FLNB: variants seen among roughly 807,000 people sequenced by gnomAD.
FLNB encodes filamin-B.
FLNB carries 111 observed loss-of-function variants against 250.6 expected under a neutral mutation model. The ratio of observed to expected loss-of-function variants is 0.44; its 90% CI spans 0.38 to 0.52. The LOEUF (loss-of-function observed/expected upper bound fraction) is 0.52. Ranked by LOEUF, FLNB falls within the 20% of genes least tolerant of loss-of-function variation. The probability of loss-of-function intolerance (pLI) is 0.00; values close to 1 mark genes in which losing one functional copy is unlikely to be tolerated. For missense variants in FLNB, 2,869 were observed against 3,447.8 expected, an observed-to-expected ratio of 0.83 and a Z score of 4.20; for synonymous variants, 1,302 against 1,372.1, an observed-to-expected ratio of 0.95 and a Z score of 1.13.
Position 58,077,212 on chromosome 3 carries a change from C to A in FLNB, c.459C>A (p.Ile153=), listed in dbSNP as rs1389785199. The A allele has an allele frequency of 6.2e-7, 1 of 1,614,150 alleles. No homozygotes were observed. The highest frequency in any genetic ancestry group is 8.5e-7 in the Non-Finnish European group (1 of 1,180,016). Residue 153 remains isoleucine, a synonymous_variant, in exon 2 of 46, where the codon ATC becomes ATA. Coordinates refer to ENST00000295956, the MANE Select transcript of FLNB (RefSeq NM_001457.4). ...TGCTGGGGTGGATTCAGAACAAGAT[C>A]CCCTACTTGCCCATCACCAACTTTA... The part of the protein sequence containing the change: ...QRLLGWIQNK[I]PYLPITNFNQ...
In FLNB at chr3:58,124,466, G is replaced by A; in HGVS notation, c.3859G>A (p.Asp1287Asn). The A allele has an allele frequency of 6.2e-7, 1 of 1,614,206 alleles. No individual in the cohort carries two copies. The highest frequency in any genetic ancestry group is 1.6e-4 in the Middle Eastern group (1 of 6,062). Residue 1287 changes from aspartate (D) to asparagine (N), a missense_variant, in exon 22 of 46, where the codon GAT becomes AAT. Asp to Asn is a conservative substitution (Grantham distance 23). Transcript: ENST00000295956. ...STECFVTDNA[D>N]GTYQVEYTPF... ...CGAGTGCTTTGTCACAGACAATGCGGATGGGACCTACCAGGTGGAATACAC... is the reference window on the plus strand; with the variant it reads ...CGAGTGCTTTGTCACAGACAATGCGAATGGGACCTACCAGGTGGAATACAC...
intron 4 of FLNB, among the ~76,000 whole-genome samples, chr3:58,089,413 G>A: frequency 6.6e-6 from 1 of 151,944 alleles, no homozygotes; most frequent in South Asian, 2.1e-4. Context: ...AGGTGAGGTG[G>A]TGGGCACCTG....
intron 1 of FLNB, among the ~76,000 whole-genome samples, chr3:58,039,069 C>T (rs577760651): frequency 4.8e-4 from 72 of 149,710 alleles, no homozygotes; most frequent in Non-Finnish European, 8.9e-4. Context: ...GCTCTGTCAC[C>T]CCGGCTGGAA....
rs550316609 is a variant in FLNB at position 58,126,255 on chromosome 3, T to C, written c.4062-347T>C. 3.9e-5 allele frequency among the ~76,000 whole-genome samples: 6 copies of C among 152,258 alleles called. No individual in the cohort carries two copies. The East Asian group carries it at 1.2e-3, about 29-fold the overall frequency. On this transcript the variant is annotated intron_variant, in intron 23 of 45. Coordinates refer to ENST00000295956, the MANE Select transcript of FLNB (RefSeq NM_001457.4). The stretch of plus-strand genomic sequence containing the variant: ...AGCTGGGCTTGGTAGTACACGCCTG[T>C]AATCCCAGCTACTACTTGGGAGGCT...
At chr3:58,149,077 C>T (rs1266188989) in intron 36 of FLNB, among the ~76,000 whole-genome samples, 1 of 152,076 alleles carries the variant, frequency 6.6e-6, no homozygotes. Flanking sequence ...TTTAGAGCCC[C>T]CTCTGCACTA....
chr3:58,047,079 C>A (rs2097155418), intron 1 of FLNB, among the ~76,000 whole-genome samples: 2 of 152,136 alleles, frequency 1.3e-5, no homozygotes, highest in South Asian at 4.1e-4. Flanking sequence ...AAGCCAACTT[C>A]TACATTTGGA....
At chr3:58,119,291 G>T (rs2097284336) in intron 19 of FLNB, among the ~76,000 whole-genome samples, 1 of 152,126 alleles carries the variant, frequency 6.6e-6, no homozygotes. Context: ...TCAGAGGCTG[G>T]CACGTAGTCA....
chr3:58,067,067 C>T (rs184744091), intron 1 of FLNB, among the ~76,000 whole-genome samples: 119 of 152,320 alleles, frequency 7.8e-4, no homozygotes, highest in African/African-American at 2.7e-3. Flanking sequence ...TTACTCAGTT[C>T]TGTTGCAGAG....
Position 58,142,140 on chromosome 3 carries a change from G to A in FLNB, c.5181+211G>A, listed in dbSNP as rs534898443. On this transcript the variant is annotated intron_variant, in intron 30 of 45. Coordinates refer to ENST00000295956, the MANE Select transcript of FLNB (RefSeq NM_001457.4). The surrounding 1 kb of genome is among the most constrained non-coding windows in gnomAD (Gnocchi z 4.3). ...ATCCGTGCTCCACGAATCGCCAGCCGTCGTGTCTGTGATCACGCTCGGTGC... is the reference window on the plus strand; with the variant it reads ...ATCCGTGCTCCACGAATCGCCAGCCATCGTGTCTGTGATCACGCTCGGTGC... Among the ~76,000 whole-genome samples the A allele has an allele frequency of 5.9e-5, 9 of 152,184 alleles. No individual in the cohort carries two copies. The highest frequency in any genetic ancestry group is 2.1e-4 in the South Asian group (1 of 4,810).
intron 29 of FLNB, among the ~76,000 whole-genome samples, chr3:58,139,721 A>C (rs897204340): frequency 6.6e-6 from 1 of 152,198 alleles, no homozygotes; most frequent in Admixed American, 6.5e-5. Flanking sequence ...TTATTCACAG[A>C]GAAGGGTACC....
intron 9 of FLNB, among the ~76,000 whole-genome samples, chr3:58,102,964 G>A (rs1163910060): frequency 6.6e-6 from 1 of 151,964 alleles, no homozygotes; most frequent in Non-Finnish European, 1.5e-5. Flanking sequence ...CACTTTTTTC[G>A]TTGGAACAGA....
At chr3:58,091,729 C>G (rs1185905399) in intron 4 of FLNB, among the ~76,000 whole-genome samples, 1 of 152,062 alleles carries the variant, frequency 6.6e-6, no homozygotes, top group Non-Finnish European at 1.5e-5. Context: ...GGTGGTTGGC[C>G]TTTATGTGCT....
intron 1 of FLNB, among the ~76,000 whole-genome samples, chr3:58,029,055 C>T (rs552454466): frequency 4.0e-4 from 61 of 151,876 alleles, no homozygotes; most frequent in African/African-American, 1.3e-3. Context: ...GCACTGAAGC[C>T]GGAGTGACAG....
chr3:58,050,391 C>T (rs1369115051), intron 1 of FLNB, among the ~76,000 whole-genome samples: 1 of 152,010 alleles, frequency 6.6e-6, no homozygotes, highest in Non-Finnish European at 1.5e-5. Context: ...GAAGTGGGGA[C>T]CTGAATGAAA....
chr3:58,070,424 A>G (rs999622730), intron 1 of FLNB, among the ~76,000 whole-genome samples: 1 of 152,180 alleles, frequency 6.6e-6, no homozygotes, highest in Non-Finnish European at 1.5e-5. Flanking sequence ...TATTTGGTAG[A>G]TGAGGAAAAA....
chr3:58,107,176 T>C (rs1349171188), intron 12 of FLNB, among the ~76,000 whole-genome samples: 2 of 152,156 alleles, frequency 1.3e-5, no homozygotes, highest in African/African-American at 4.8e-5. Context: ...ACTACAGGCA[T>C]GTGCCACCAC....
At chr3:58,035,043 A>G (rs939627214) in intron 1 of FLNB, among the ~76,000 whole-genome samples, 1 of 152,188 alleles carries the variant, frequency 6.6e-6, no homozygotes, top group African/African-American at 2.4e-5. Flanking sequence ...AATTGGGGAC[A>G]TTGCAGAGGA....
chr3:58,153,023 T>G (rs1290409577), intron 38 of FLNB, among the ~76,000 whole-genome samples: 1 of 152,266 alleles, frequency 6.6e-6, no homozygotes, highest in South Asian at 2.1e-4. Context: ...TTCTCTAACT[T>G]TGTCTTGTTG....
intron 33 of FLNB, among the ~76,000 whole-genome samples, 154 bp downstream of exon 33, chr3:58,146,203 G>A (rs1287302754): frequency 1.3e-5 from 2 of 152,108 alleles, no homozygotes; most frequent in Non-Finnish European, 2.9e-5. Context: ...CTTTAGAGCC[G>A]CTTCGTCTTC....
Sources: gnomAD v4.1 joint callset for allele counts (sites outside exome capture counted in the v4.1 genomes callset) on GRCh38, gnomAD v4.1.1 for gene constraint, Gnocchi (gnomAD v3.1) non-coding constraint, MANE v1.5 for transcripts, NCBI Gene and HGNC (gene_info 2026-07-23, HGNC 2026-07-21) for gene names.